TRIM37: variants seen among roughly 807,000 people sequenced by gnomAD.
The protein encoded by TRIM37 is E3 ubiquitin-protein ligase TRIM37.
In TRIM37, 80 loss-of-function variants were observed where a neutral mutation model predicts 129.8. The observed-to-expected ratio is 0.62, with a 90% CI of 0.51 to 0.74. TRIM37 has a LOEUF of 0.74. TRIM37 is among the 30% of genes least tolerant of loss of function. TRIM37 has a pLI of 0.00. For missense variants in TRIM37, 1,054 were observed against 1,176.5 expected (o/e 0.90, Z 1.52); for synonymous variants, 389 against 387.1 (o/e 1.00, Z -0.06).
At chr17:58,988,335 T>C (rs1034589394) in intron 24 of TRIM37, among the ~76,000 whole-genome samples, 4 of 152,136 alleles carry the variant, frequency 2.6e-5, no homozygotes, top group Non-Finnish European at 1.5e-5. Context: ...TACAGCGGCC[T>C]TGGGCATGGG....
At chr17:59,008,505 G>C (rs1036067715) in intron 22 of TRIM37, among the ~76,000 whole-genome samples, 2 of 152,154 alleles carry the variant, frequency 1.3e-5, no homozygotes, top group African/African-American at 4.8e-5. Flanking sequence ...AATGAAACTG[G>C]TGTCAAAAAG....
chr17:58,990,091 T>C (rs774321586), intron 24 of TRIM37, among the ~76,000 whole-genome samples: 3 of 141,400 alleles, frequency 2.1e-5, no homozygotes, highest in African/African-American at 8.0e-5. Flanking sequence ...GGTGGGAGGA[T>C]TGCTTGAGCC....
chr17:59,044,247 C>T (rs2039539568), intron 16 of TRIM37, among the ~76,000 whole-genome samples: 2 of 152,096 alleles, frequency 1.3e-5, no homozygotes, highest in South Asian at 4.1e-4. Flanking sequence ...GTCGAGGTTG[C>T]AGTGAGCTGT....
In TRIM37 at chr17:59,080,052, A is replaced by C. The variant is rs1036723351; in HGVS notation, c.493-175T>G. 7.2e-5 allele frequency among the ~76,000 whole-genome samples: 11 copies of C among 152,192 alleles called. 1 individual carries two copies. Among genetic ancestry groups the C allele is most frequent in the Admixed American group, 4.6e-4 (7 of 15,272 alleles). On this transcript the variant is annotated intron_variant, in intron 6 of 23. Coordinates refer to ENST00000262294, the MANE Select transcript of TRIM37 (RefSeq NM_015294.6). ...TGGCAGACATGCAATCAAAAACACA[A>C]ATTTTCTGCATAAAGAATGTTATAA...
intron 16 of TRIM37, among the ~76,000 whole-genome samples, chr17:59,045,453 C>T (rs532631548): frequency 5.7e-4 from 87 of 151,376 alleles, no homozygotes; most frequent in Admixed American, 1.3e-3. Context: ...GCCTGGCCAA[C>T]GCAGTGAAAC....
chr17:58,996,125 G>C (rs1290550383), downstream of TRIM37, among the ~76,000 whole-genome samples: 2 of 152,050 alleles, frequency 1.3e-5, no homozygotes, highest in Admixed American at 1.3e-4. Flanking sequence ...AATCCTCACA[G>C]ACACCATCTT....
At chr17:59,085,133 T>C (rs2043637719) in intron 4 of TRIM37, among the ~76,000 whole-genome samples, 1 of 152,106 alleles carries the variant, frequency 6.6e-6, no homozygotes, top group South Asian at 2.1e-4. Flanking sequence ...GAGACTGGCC[T>C]GGCCAATATA....
At chr17:58,995,191 G>A (rs1327967322), downstream of TRIM37, among the ~76,000 whole-genome samples, 3 of 152,156 alleles carry the variant, frequency 2.0e-5, no homozygotes, top group Admixed American at 6.5e-5. Context: ...CGGGACCACA[G>A]GTGTGCACCA....
the TRIM37 span, chr17:58,972,287 C>A: frequency 1.2e-6 from 2 of 1,611,780 alleles, no homozygotes; most frequent in Non-Finnish European, 1.7e-6. Context: ...TAAGTATGGT[C>A]TGTTTTAATA....
chr17:59,063,712 CT>C (rs1208338463), intron 10 of TRIM37, among the ~76,000 whole-genome samples: 1 of 152,226 alleles, frequency 6.6e-6, no homozygotes, highest in Non-Finnish European at 1.5e-5. Context: ...ATCCACAATT[CT>C]TCACTTTGAG....
intron 17 of TRIM37, among the ~76,000 whole-genome samples, chr17:59,037,694 C>A (rs577186031): frequency 6.6e-6 from 1 of 150,762 alleles, no homozygotes; most frequent in Admixed American, 6.6e-5. Flanking sequence ...AATGTTAATA[C>A]CTTTCATTAC....
At chr17:59,049,429 G>T (rs750786755) in intron 14 of TRIM37, 36 bp from the exon 15 acceptor site, 1 of 1,554,130 alleles carries the variant, frequency 6.4e-7, no homozygotes, top group South Asian at 1.1e-5. Flanking sequence ...ATTAGCCACA[G>T]CTCACTGGCA....
chr17:59,023,655 A>C (rs1441299178), intron 19 of TRIM37, among the ~76,000 whole-genome samples: 2 of 151,834 alleles, frequency 1.3e-5, no homozygotes, highest in African/African-American at 4.8e-5. Context: ...ACTCTGTCTC[A>C]AAAAAAAGAA....
At chr17:59,034,079 T>A (rs950056544) in intron 17 of TRIM37, among the ~76,000 whole-genome samples, 3 of 150,952 alleles carry the variant, frequency 2.0e-5, no homozygotes, top group Non-Finnish European at 4.4e-5. Flanking sequence ...TGCACTCTAG[T>A]CTGGTTGACA....
intron 7 of TRIM37, among the ~76,000 whole-genome samples, chr17:59,077,267 C>CT (rs757122066): frequency 0.012 from 1,439 of 124,418 alleles, 6 homozygotes; most frequent in Middle Eastern, 0.023. Context: ...GCTAATTTTT[C>CT]TTTTTTTTTT....
chr17:59,070,753 T>A, intron 9 of TRIM37, 70 bp downstream of exon 9: 3 of 1,509,574 alleles, frequency 2.0e-6, no homozygotes, highest in Non-Finnish European at 2.7e-6. Context: ...AAAAAAACAT[T>A]CTTTTGAAAC....
chr17:58,980,587 G>A (rs1292129241), downstream of TRIM37: 13 of 1,614,052 alleles, frequency 8.1e-6, no homozygotes, highest in Non-Finnish European at 1.1e-5. This position sits in a 1 kb window ranked among gnomAD's most constrained non-coding sequence, Gnocchi z 4.7. Context: ...AGTTAATGAT[G>A]GAGAAAAAAT....
chr17:59,073,868 G>A (rs1422825896), intron 8 of TRIM37, among the ~76,000 whole-genome samples: 1 of 152,138 alleles, frequency 6.6e-6, no homozygotes, highest in East Asian at 1.9e-4. Context: ...AGGTCTTCAC[G>A]GGTACTAGCA....
intron 24 of TRIM37, among the ~76,000 whole-genome samples, chr17:58,988,917 C>T (rs559160413): frequency 5.9e-5 from 9 of 152,194 alleles, no homozygotes; most frequent in Non-Finnish European, 7.4e-5. Context: ...TTAAAAAATG[C>T]GAAAACCACA....
Sources: allele counts gnomAD v4.1 joint callset (sites outside exome capture counted in the v4.1 genomes callset), GRCh38; gene constraint gnomAD v4.1.1; non-coding constraint Gnocchi (gnomAD v3.1); transcripts MANE v1.5; gene names NCBI Gene and HGNC (gene_info 2026-07-23, HGNC 2026-07-21).